Variants in MB21D2 observed in about 807,000 individuals in gnomAD.
The protein encoded by MB21D2 is Mab-21 domain containing 2.
MB21D2 carries 9 observed loss-of-function variants against 33.3 expected under a neutral mutation model. That is an observed-to-expected ratio of 0.27 (90% confidence interval 0.16 to 0.47). MB21D2 has a LOEUF of 0.47. Ranked by LOEUF, MB21D2 falls within the 20% of genes least tolerant of loss-of-function variation. The pLI is 0.99. For missense variants in MB21D2, 540 were observed against 624.6 expected, an observed-to-expected ratio of 0.86 and a Z score of 1.44; for synonymous variants, 241 against 236.3, an observed-to-expected ratio of 1.02 and a Z score of -0.18.
At chr3:192,880,608 G>A (rs1713539303) in intron 1 of MB21D2, among the ~76,000 whole-genome samples, 1 of 152,016 alleles carries the variant, frequency 6.6e-6, no homozygotes, top group African/African-American at 2.4e-5. Context: ...ACGGCCTAGG[G>A]CGAGCAGCTG....
chr3:192,892,657 G>A (rs530260051), intron 1 of MB21D2, among the ~76,000 whole-genome samples: 6 of 152,106 alleles, frequency 3.9e-5, no homozygotes, highest in Non-Finnish European at 7.4e-5. Flanking sequence ...TGGCCAGGCC[G>A]GTCTCGAACT....
At chr3:192,845,963 G>T (rs1280886053) in intron 1 of MB21D2, among the ~76,000 whole-genome samples, 1 of 152,106 alleles carries the variant, frequency 6.6e-6, no homozygotes, top group Admixed American at 6.5e-5. Context: ...CACACCTGTA[G>T]TCCCAGCTGC....
chr3:192,909,936 CAAAAAAAAAAAAAA>C (rs61613458), intron 1 of MB21D2, among the ~76,000 whole-genome samples: 5 of 52,804 alleles, frequency 9.5e-5, no homozygotes, highest in Admixed American at 6.5e-4. Context: ...GACTCTGTCT[CAAAAAAAAAAAAAA>C]AAAAAAAAAA....
rs573215639 is a variant in MB21D2, at chr3:192,884,557, C to T, written c.211+33073G>A. Among the ~76,000 whole-genome samples, 74 of 151,946 alleles carry T rather than the reference C, an allele frequency of 4.9e-4. 1 individual carries two copies. Among genetic ancestry groups the T allele is most frequent in the South Asian group, 8.3e-4 (4 of 4,818 alleles). Reference sequence around the variant, plus strand: ...AATTTTTTGTATTTTTTAGTAGAGACGGGGTTTCACCGTGTTAGCCAGGAT... The same window carrying T: ...AATTTTTTGTATTTTTTAGTAGAGATGGGGTTTCACCGTGTTAGCCAGGAT... On this transcript the variant is annotated intron_variant, in intron 1 of 1. Transcript: ENST00000392452.
chr3:192,819,077 T>C (rs983836953), intron 1 of MB21D2, among the ~76,000 whole-genome samples: 2 of 152,148 alleles, frequency 1.3e-5, no homozygotes, highest in South Asian at 2.1e-4. Context: ...AAGTGACTCA[T>C]AGTTTTCCTG....
intron 1 of MB21D2, among the ~76,000 whole-genome samples, chr3:192,803,606 C>T (rs1012884783): frequency 6.6e-6 from 1 of 152,186 alleles, no homozygotes; most frequent in Non-Finnish European, 1.5e-5. Context: ...TGAAAACTTT[C>T]CTGGGCTAAG....
chr3:192,852,781 G>A (rs1712834298), intron 1 of MB21D2, among the ~76,000 whole-genome samples: 2 of 151,766 alleles, frequency 1.3e-5, no homozygotes, highest in South Asian at 4.2e-4. Context: ...AGAACTTTCA[G>A]AATGAGCTCC....
At chr3:192,846,209 T>C (rs1313438632) in intron 1 of MB21D2, among the ~76,000 whole-genome samples, 4 of 152,232 alleles carry the variant, frequency 2.6e-5, no homozygotes, top group Non-Finnish European at 5.9e-5. Context: ...AGTTAAATGT[T>C]ATAAAACTTA....
intron 1 of MB21D2, among the ~76,000 whole-genome samples, chr3:192,837,195 C>A (rs572749103): frequency 6.6e-6 from 1 of 152,190 alleles, no homozygotes; most frequent in Non-Finnish European, 1.5e-5. Flanking sequence ...AAAGCCCACA[C>A]GTTTCCTCCC....
At chr3:192,817,207 C>T (rs530867188) in intron 1 of MB21D2, among the ~76,000 whole-genome samples, 1 of 152,198 alleles carries the variant, frequency 6.6e-6, no homozygotes, top group African/African-American at 2.4e-5. Context: ...CAGACGTGAC[C>T]CTGGAGGGGA....
chr3:192,894,160 G>A lies in MB21D2; in HGVS notation c.211+23470C>T, dbSNP rs966759323. 5.3e-5 allele frequency among the ~76,000 whole-genome samples: 8 copies of A among 151,794 alleles called. No homozygotes were observed. The East Asian group carries it at 5.8e-4, about 11-fold the overall frequency. ...TGTTTTGTTTTTGAGACAGAGTCTC[G>A]CTCTGTCACCCAGGCTGTAGTGCAG... On this transcript the variant is annotated intron_variant, in intron 1 of 1. Transcript: ENST00000392452.
At chr3:192,893,772 T>C (rs1342039790) in intron 1 of MB21D2, among the ~76,000 whole-genome samples, 1 of 152,154 alleles carries the variant, frequency 6.6e-6, no homozygotes, top group Non-Finnish European at 1.5e-5. Flanking sequence ...GGGTGGCTCA[T>C]GTCTGTAATC....
chr3:192,808,799 T>C (rs1178592152), intron 1 of MB21D2, among the ~76,000 whole-genome samples: 1 of 152,234 alleles, frequency 6.6e-6, no homozygotes, highest in African/African-American at 2.4e-5. Flanking sequence ...GATGCTGCCC[T>C]TCCTTCTCAT....
rs1397490990 is a variant in MB21D2, at chr3:192,890,167, T to TCC, written c.211+27461_211+27462dup. Among the ~76,000 whole-genome samples the TCC allele has an allele frequency of 2.0e-5, 3 of 152,130 alleles. No individual in the cohort carries two copies. The East Asian group carries it at 5.8e-4, about 29-fold the overall frequency. Reference sequence around the variant, plus strand: ...TCCTTGCAATAAATAGTGGAGCATGTCCCTGCTTCCCTCACAGAACAGGTA... The same window carrying TCC: ...TCCTTGCAATAAATAGTGGAGCATGTCCCCCTGCTTCCCTCACAGAACAGGTA... On this transcript the variant is annotated intron_variant, in intron 1 of 1. Transcript: ENST00000392452.
At chr3:192,910,961 T>C (rs1162561226) in intron 1 of MB21D2, among the ~76,000 whole-genome samples, 1 of 152,244 alleles carries the variant, frequency 6.6e-6, no homozygotes, top group Admixed American at 6.5e-5. Flanking sequence ...TGAATGCACC[T>C]GAACACATGA....
intron 1 of MB21D2, among the ~76,000 whole-genome samples, chr3:192,886,572 G>C (rs1478004593): frequency 6.6e-6 from 1 of 152,030 alleles, no homozygotes; most frequent in Non-Finnish European, 1.5e-5. Flanking sequence ...CTGTCATTTA[G>C]AGAGATGACT....
intron 1 of MB21D2, among the ~76,000 whole-genome samples, chr3:192,858,241 A>G (rs1374799859): frequency 6.6e-6 from 1 of 152,164 alleles, no homozygotes; most frequent in Non-Finnish European, 1.5e-5. Context: ...ATGGGACCTG[A>G]GGCCAAAAAA....
chr3:192,915,838 A>G (rs1714451810), intron 1 of MB21D2, among the ~76,000 whole-genome samples: 2 of 152,016 alleles, frequency 1.3e-5, no homozygotes, highest in African/African-American at 2.4e-5. Context: ...ACCCATGACT[A>G]CCCTAACTGG....
At chr3:192,908,045 A>T (rs1305148495) in intron 1 of MB21D2, among the ~76,000 whole-genome samples, 1 of 152,188 alleles carries the variant, frequency 6.6e-6, no homozygotes, top group Admixed American at 6.5e-5. Context: ...GGTCTTAAGG[A>T]ATGTAGAAAA....
Sources: gnomAD v4.1 joint callset for allele counts (sites outside exome capture counted in the v4.1 genomes callset) on GRCh38, gnomAD v4.1.1 for gene constraint, MANE v1.5 for transcripts, NCBI Gene and HGNC (gene_info 2026-07-23, HGNC 2026-07-21) for gene names.